The following GMDS variants were observed in gnomAD, a reference collection of about 807,000 sequenced individuals.
GMDS encodes GDP-mannose 4,6-dehydratase, also known as GDP-mannose 4,6 dehydratase.
A neutral mutation model predicts 49.9 loss-of-function variants in GMDS; 20 were observed. The observed-to-expected ratio is 0.40, with a 90% CI of 0.28 to 0.58. The LOEUF is 0.58. Among genes scored for constraint, GMDS ranks in the 20% least tolerant of loss-of-function variants. GMDS has a pLI of 0.42. For missense variants in GMDS, 362 were observed against 481.4 expected (o/e 0.75, Z 2.32); for synonymous variants, 177 against 178.6 (o/e 0.99, Z 0.07).
chr6:2,192,800 C>T (rs890801567), intron 1 of GMDS, among the ~76,000 whole-genome samples: 7 of 152,180 alleles, frequency 4.6e-5, no homozygotes, highest in African/African-American at 1.7e-4. Context: ...ACTCAGTCTC[C>T]CTTGGAGGTG....
At chr6:1,651,955 T>C (rs1763664535) in intron 9 of GMDS, among the ~76,000 whole-genome samples, 1 of 151,860 alleles carries the variant, frequency 6.6e-6, no homozygotes, top group Non-Finnish European at 1.5e-5. Context: ...CACTGGCACG[T>C]GCTGGGGAAT....
At chr6:2,046,128 G>A (rs1418328017) in intron 4 of GMDS, among the ~76,000 whole-genome samples, 2 of 152,122 alleles carry the variant, frequency 1.3e-5, no homozygotes, top group East Asian at 1.9e-4. Flanking sequence ...TGGGAGGATC[G>A]CTTGAGCCCA....
intron 9 of GMDS, among the ~76,000 whole-genome samples, chr6:1,709,428 G>C (rs569964715): frequency 6.6e-6 from 1 of 152,314 alleles, no homozygotes; most frequent in East Asian, 1.9e-4. Flanking sequence ...CTTCCTGGTG[G>C]CCCAATTTCC....
At chr6:1,975,699 C>G (rs1338717070) in intron 4 of GMDS, among the ~76,000 whole-genome samples, 5 of 152,132 alleles carry the variant, frequency 3.3e-5, no homozygotes, top group African/African-American at 4.8e-5. Context: ...ACCTAAAGGA[C>G]TTGAAAAATG....
intron 6 of GMDS, among the ~76,000 whole-genome samples, chr6:1,943,771 G>C (rs1464615557): frequency 6.6e-6 from 1 of 152,176 alleles, no homozygotes; most frequent in Non-Finnish European, 1.5e-5. Context: ...ACACGTATTA[G>C]GGTTCTTCTC....
intron 9 of GMDS, among the ~76,000 whole-genome samples, chr6:1,649,687 C>T (rs1247854067): frequency 1.3e-5 from 2 of 152,214 alleles, no homozygotes; most frequent in Admixed American, 1.3e-4. Flanking sequence ...TACATTCCAA[C>T]TCATTCTCAA....
intron 4 of GMDS, among the ~76,000 whole-genome samples, chr6:2,092,986 A>G (rs1004215149): frequency 6.6e-6 from 1 of 152,210 alleles, no homozygotes; most frequent in Non-Finnish European, 1.5e-5. Context: ...CCAGATTACA[A>G]ATCCATAAAA....
chr6:2,020,901 AC>A (rs1424747429), intron 4 of GMDS, among the ~76,000 whole-genome samples: 4 of 152,192 alleles, frequency 2.6e-5, no homozygotes, highest in Admixed American at 2.6e-4. Flanking sequence ...AAAACTTTAA[AC>A]CCCAGCGCTG....
At chr6:1,916,751 G>A (rs994694322) in intron 7 of GMDS, among the ~76,000 whole-genome samples, 1 of 152,150 alleles carries the variant, frequency 6.6e-6, no homozygotes, top group Non-Finnish European at 1.5e-5. Context: ...TGACTCATTA[G>A]CCAGCCAGTT....
chr6:2,161,110 C>T (rs1172285311), intron 1 of GMDS, among the ~76,000 whole-genome samples: 1 of 151,876 alleles, frequency 6.6e-6, no homozygotes, highest in African/African-American at 2.4e-5. Flanking sequence ...CTCCCAGGTT[C>T]AAGCAATTCT....
intron 7 of GMDS, among the ~76,000 whole-genome samples, chr6:1,760,398 T>C (rs906797089): frequency 6.6e-6 from 1 of 151,984 alleles, no homozygotes; most frequent in Non-Finnish European, 1.5e-5. Flanking sequence ...CAGTATCCAG[T>C]GGGGAAGATG....
At chr6:2,035,643 C>T (rs1462704185) in intron 4 of GMDS, among the ~76,000 whole-genome samples, 23 of 152,054 alleles carry the variant, frequency 1.5e-4, no homozygotes, top group Admixed American at 1.3e-3. Context: ...CAGAAAATAA[C>T]ACAGAACAAC....
At chr6:2,038,341 G>A (rs1274686002) in intron 4 of GMDS, among the ~76,000 whole-genome samples, 1 of 152,160 alleles carries the variant, frequency 6.6e-6, no homozygotes, top group African/African-American at 2.4e-5. Flanking sequence ...GCTTTGATAA[G>A]CAAACTATAC....
chr6:1,899,570 G>A (rs1300835181), intron 7 of GMDS, among the ~76,000 whole-genome samples: 1 of 152,146 alleles, frequency 6.6e-6, no homozygotes, highest in East Asian at 1.9e-4. Flanking sequence ...AAGCCGGTGG[G>A]CCATTCCAGG....
rs547739935 is a variant in GMDS, at chr6:2,078,368, T to C, written c.345+37403A>G. Among the ~76,000 whole-genome samples, 6 of 152,250 alleles carry C rather than the reference T, an allele frequency of 3.9e-5. No homozygotes were observed. In the South Asian group the frequency reaches 1.2e-3, roughly 32 times the overall value. ...TTTCTTGAGGTGCATCATTAGATTG[T>C]TTATTTAAACTCTACTGTTTTGATG... On this transcript the variant is annotated intron_variant, in intron 4 of 10. Transcript: ENST00000380815.
intron 9 of GMDS, among the ~76,000 whole-genome samples, chr6:1,691,866 T>C (rs1002087508): frequency 6.6e-5 from 10 of 152,192 alleles, no homozygotes; most frequent in African/African-American, 2.4e-4. Flanking sequence ...CATGTTTCTT[T>C]TGTTGGGATT....
At chr6:1,693,145 G>A (rs1287861454) in intron 9 of GMDS, among the ~76,000 whole-genome samples, 1 of 152,204 alleles carries the variant, frequency 6.6e-6, no homozygotes, top group African/African-American at 2.4e-5. Context: ...CCAATGCCCT[G>A]TGGATTTTAA....
intron 4 of GMDS, among the ~76,000 whole-genome samples, chr6:1,969,009 C>T (rs1764429005): frequency 6.6e-6 from 1 of 151,898 alleles, no homozygotes; most frequent in South Asian, 2.1e-4. Flanking sequence ...CACCTGTAAT[C>T]CCAGCACTTT....
At chr6:2,091,131 G>A (rs1326496042) in intron 4 of GMDS, among the ~76,000 whole-genome samples, 3 of 152,104 alleles carry the variant, frequency 2.0e-5, no homozygotes, top group Admixed American at 6.5e-5. Context: ...TTTAAAGTAC[G>A]CTGATAGAAA....
Sources: allele counts gnomAD v4.1 joint callset (sites outside exome capture counted in the v4.1 genomes callset), GRCh38; gene constraint gnomAD v4.1.1; transcripts MANE v1.5; gene names NCBI Gene and HGNC (gene_info 2026-07-23, HGNC 2026-07-21).